MFSD8: variants seen among roughly 807,000 people sequenced by gnomAD.
The protein encoded by MFSD8 is major facilitator superfamily domain-containing protein 8.
Under a neutral mutation model 66.4 loss-of-function variants are expected in MFSD8, and 55 were observed. The observed-to-expected ratio is 0.83, with a 90% confidence interval of 0.67 to 1.04. The LOEUF is 1.04. Among genes scored for constraint, MFSD8 ranks in the 50% least tolerant of loss-of-function variants. MFSD8 has a pLI of 0.00. For synonymous variants in MFSD8, 202 were observed against 212.8 expected (o/e 0.95, Z 0.44); for missense variants, 550 against 627.6 (o/e 0.88, Z 1.32).
chr4:127,938,507 C>T (rs1739462904), intron 7 of MFSD8, among the ~76,000 whole-genome samples: 1 of 151,074 alleles, frequency 6.6e-6, no homozygotes, highest in Admixed American at 6.6e-5. Flanking sequence ...GGCATGAACC[C>T]CGGAGGCAGA....
chr4:127,923,259 T>C (rs1736610312), intron 9 of MFSD8, among the ~76,000 whole-genome samples: 1 of 152,170 alleles, frequency 6.6e-6, no homozygotes, highest in Non-Finnish European at 1.5e-5. Context: ...ATACTGGCTG[T>C]GGGTTTGTCA....
chr4:127,928,908 A>G (rs890269085), intron 9 of MFSD8, among the ~76,000 whole-genome samples: 7 of 152,172 alleles, frequency 4.6e-5, no homozygotes, highest in African/African-American at 1.7e-4. Flanking sequence ...AGCCATTGAA[A>G]CCATGAAATG....
intron 3 of MFSD8, among the ~76,000 whole-genome samples, chr4:127,947,192 T>C (rs1271950697): frequency 6.6e-6 from 1 of 151,502 alleles, no homozygotes; most frequent in African/African-American, 2.4e-5. Context: ...GCGTTCGAGA[T>C]CAGCCTAGCC....
At position 127,942,177 on chromosome 4, in the gene MFSD8, T is replaced by C; in HGVS notation, c.440-19A>G. The C allele has an allele frequency of 6.5e-7, 1 of 1,544,896 alleles. No individual in the cohort carries two copies. The highest frequency in any genetic ancestry group is 8.9e-7 in the Non-Finnish European group (1 of 1,117,778). Reference sequence around the variant, plus strand: ...ACATTTCCTTAAAAACAAGACACAATAATCCAAAGTAAAAGAAAGTATCAT... The same window carrying C: ...ACATTTCCTTAAAAACAAGACACAACAATCCAAAGTAAAAGAAAGTATCAT... On this transcript the variant is annotated intron_variant, in intron 4 of 11. Coordinates refer to ENST00000641686, the MANE Select transcript of MFSD8 (RefSeq NM_001371596.2).
intron 1 of MFSD8, among the ~76,000 whole-genome samples, chr4:127,963,721 G>A (rs923713832): frequency 6.6e-6 from 1 of 152,204 alleles, no homozygotes; most frequent in Non-Finnish European, 1.5e-5. Flanking sequence ...GTGAGCAGTA[G>A]CAAGATTTAT....
At chr4:127,932,205 C>T (rs1738258964) in intron 8 of MFSD8, 1 of 152,182 alleles carries the variant, frequency 6.6e-6, no homozygotes, top group African/African-American at 2.4e-5. Context: ...TGAGCTGGAA[C>T]TTTCATATAT....
At chr4:127,948,618 T>C (rs1419576834) in intron 3 of MFSD8, among the ~76,000 whole-genome samples, 2 of 152,240 alleles carry the variant, frequency 1.3e-5, no homozygotes, top group African/African-American at 4.8e-5. Flanking sequence ...TTGAGGTTGC[T>C]GCAGACCTGT....
chr4:127,949,264 A>G (rs75420564), intron 3 of MFSD8, among the ~76,000 whole-genome samples: 2,191 of 152,304 alleles, frequency 0.014, 63 homozygotes, highest in African/African-American at 0.05. Flanking sequence ...GATAGAACTG[A>G]CAGGACCTGA....
chr4:127,935,080 A>C (rs1281377257), intron 7 of MFSD8, among the ~76,000 whole-genome samples: 1 of 152,148 alleles, frequency 6.6e-6, no homozygotes, highest in Non-Finnish European at 1.5e-5. Flanking sequence ...AGTCTGCTAT[A>C]CTTAAAGGGA....
chr4:127,957,467 T>C (rs749907864), intron 2 of MFSD8, 34 bp downstream of exon 2: 1 of 1,393,998 alleles, frequency 7.2e-7, no homozygotes, highest in Non-Finnish European at 1.0e-6. Flanking sequence ...ACATCTGATC[T>C]GAATTGTTAA....
At chr4:127,932,801 T>C (rs1030648389) in intron 8 of MFSD8, 184 bp downstream of exon 8, 8 of 534,322 alleles carry the variant, frequency 1.5e-5, no homozygotes, top group East Asian at 3.2e-5. Flanking sequence ...GTTAAGATTA[T>C]GGACAAATAA....
At chr4:127,962,690 G>C (rs1048347444) in intron 1 of MFSD8, among the ~76,000 whole-genome samples, 13 of 151,770 alleles carry the variant, frequency 8.6e-5, no homozygotes, top group South Asian at 2.1e-4. Flanking sequence ...AAAAAGTATA[G>C]CAGTGTAAAA....
chr4:127,947,116 G>A (rs1391973307), intron 3 of MFSD8, among the ~76,000 whole-genome samples: 2 of 152,096 alleles, frequency 1.3e-5, no homozygotes, highest in Admixed American at 6.5e-5. Context: ...TTCCAGGCCA[G>A]GTGCAGTGGC....
rs1309699602 is a variant in MFSD8 at position 127,949,795 on chromosome 4, T to C, written c.198+9A>G. 1 of 1,610,214 alleles carries C rather than the reference T, an allele frequency of 6.2e-7. No homozygotes were observed. Among genetic ancestry groups the C allele is most frequent in the Non-Finnish European group, 8.5e-7 (1 of 1,178,140 alleles). ...GCTATAAGGGAAAAATAGATTGAAATGTACAAACCTTTTGGAGATATGGCC... is the reference window on the plus strand; with the variant it reads ...GCTATAAGGGAAAAATAGATTGAAACGTACAAACCTTTTGGAGATATGGCC... On this transcript the variant is annotated intron_variant, in intron 3 of 11. Coordinates refer to ENST00000641686, the MANE Select transcript of MFSD8 (RefSeq NM_001371596.2).
At position 127,930,752 on chromosome 4, in the gene MFSD8, C is replaced by T. The variant is rs118203975; in HGVS notation, c.929G>A (p.Gly310Asp). The T allele has an allele frequency of 1.9e-6, 3 of 1,613,310 alleles. No homozygotes were observed. The highest frequency in any genetic ancestry group is 2.5e-6 in the Non-Finnish European group (3 of 1,179,710). The change falls in exon 9 of 12, where the codon GGC becomes GAC. Residue 310 changes from glycine to aspartate, a missense_variant. Gly to Asp is a moderately conservative substitution (Grantham distance 94). Transcript: ENST00000641686. ...WTQEQAVLYNGIILAALGVEA... is the reference protein window; with the variant it reads ...WTQEQAVLYNDIILAALGVEA... ...AACCCCAAGAGCAGCAAGTATTATG[C>T]CATTATATAACACAGCTTGTTCTTG...
At chr4:127,959,499 T>C (rs1363016559) in intron 1 of MFSD8, among the ~76,000 whole-genome samples, 1 of 152,240 alleles carries the variant, frequency 6.6e-6, no homozygotes, top group Non-Finnish European at 1.5e-5. Context: ...ATTGTATTTC[T>C]AGTTGTAACA....
chr4:127,942,525 G>A (rs759831807), intron 4 of MFSD8, among the ~76,000 whole-genome samples: 4 of 151,842 alleles, frequency 2.6e-5, no homozygotes, highest in East Asian at 3.9e-4. Flanking sequence ...GTGAAACCCC[G>A]TCTCTATTAA....
intron 2 of MFSD8, 139 bp from the exon 3 acceptor site, chr4:127,949,986 A>AT: frequency 1.6e-6 from 1 of 630,736 alleles, no homozygotes; most frequent in Non-Finnish European, 2.7e-6. Context: ...TTTATGAGGC[A>AT]ATGAGATTTT....
At position 127,943,748 on chromosome 4, in the gene MFSD8, T is replaced by C. The variant is rs751782767; in HGVS notation, c.439+4A>G. The C allele has an allele frequency of 1.9e-6, 3 of 1,614,096 alleles. No homozygotes were observed. The highest frequency in any genetic ancestry group is 1.6e-4 in the Middle Eastern group (1 of 6,062). ...CACAACCAAACATATACATACAACC[T>C]TACCTGCTCCAATTCCCAACAATCC... is the stretch of plus-strand genomic sequence containing the variant. On this transcript the variant is annotated splice_donor_region_variant and intron_variant, in intron 4 of 11. Coordinates refer to ENST00000641686, the MANE Select transcript of MFSD8 (RefSeq NM_001371596.2).
Sources: allele counts gnomAD v4.1 joint callset (sites outside exome capture counted in the v4.1 genomes callset), GRCh38; gene constraint gnomAD v4.1.1; transcripts MANE v1.5; gene names NCBI Gene and HGNC (gene_info 2026-07-23, HGNC 2026-07-21).